The following SYNJ1 variants were observed in gnomAD, a reference collection of about 807,000 sequenced individuals.
SYNJ1 encodes the protein polyphosphatidylinositol phosphatase SYNJ1.
In SYNJ1, 78 loss-of-function variants were observed where a neutral mutation model predicts 168.2. The observed-to-expected ratio is 0.46, with a 90% CI of 0.39 to 0.56. The LOEUF (loss-of-function observed/expected upper bound fraction) is 0.56, where lower values mean the gene tolerates loss of function less well. Ranked by LOEUF, SYNJ1 falls within the 20% of genes least tolerant of loss-of-function variation. SYNJ1 has a pLI of 0.00. For synonymous variants in SYNJ1, 539 were observed against 548.6 expected (o/e 0.98, Z 0.24); for missense variants, 1,303 against 1,597.6 (o/e 0.82, Z 3.14).
chr21:32,670,935 A>G (rs2041161285), intron 14 of SYNJ1: 1 of 503,238 alleles, frequency 2.0e-6, no homozygotes, highest in Non-Finnish European at 2.6e-6. Context: ...GGACTAACGG[A>G]GAACAGAGCT....
At chr21:32,678,905 T>G (rs2041517736) in intron 11 of SYNJ1, 104 bp from the exon 12 acceptor site, 12 of 1,466,538 alleles carry the variant, frequency 8.2e-6, no homozygotes, top group Non-Finnish European at 1.1e-5. Flanking sequence ...ATGATTTTAG[T>G]ATAAAAAAGG....
At chr21:32,688,966 A>G (rs2041926819) in intron 6 of SYNJ1, among the ~76,000 whole-genome samples, 1 of 152,216 alleles carries the variant, frequency 6.6e-6, no homozygotes, top group Admixed American at 6.5e-5. Context: ...TTCCAAGTCA[A>G]CCTTGCCATC....
At chr21:32,651,888 C>T (rs533197339) in intron 22 of SYNJ1, among the ~76,000 whole-genome samples, 1 of 152,258 alleles carries the variant, frequency 6.6e-6, no homozygotes, top group South Asian at 2.1e-4. Flanking sequence ...TTTAAGATGT[C>T]CCTGACACAG....
In SYNJ1 at chr21:32,645,725, C is replaced by A; in HGVS notation, c.3312G>T (p.Glu1104Asp). ...LPQKDPAQPL[E>D]PKRPPPPRPV... ...GGCGGGGCGGCGGCGGCCGCTTGGG[C>A]TCCAAGGGCTGGGCGGGGTCTTTCT... is the stretch of plus-strand genomic sequence containing the variant. Residue 1104 changes from glutamate (E) to aspartate (D), a missense_variant, in exon 25 of 33, where the codon GAG becomes GAT. Coordinates refer to ENST00000674351, the MANE Select transcript of SYNJ1 (RefSeq NM_203446.3). 1 of 1,469,086 alleles carries A rather than the reference C, an allele frequency of 6.8e-7. No homozygotes were observed. The highest frequency in any genetic ancestry group is 9.0e-7 in the Non-Finnish European group (1 of 1,111,314). The allele number at this position is 1,469,086 out of a possible 1,614,324, so 91.0% of individuals were successfully genotyped here.
chr21:32,699,958 C>G lies in SYNJ1; in HGVS notation c.359G>C (p.Arg120Pro). Residue 120 changes from arginine (R) to proline (P), a missense_variant, in exon 4 of 33, where the codon CGG becomes CCG. Arg to Pro is a moderately radical substitution (Grantham distance 103). Coordinates refer to ENST00000674351, the MANE Select transcript of SYNJ1 (RefSeq NM_203446.3). ...SSDEDRISEV[R>P]KVLNSGNFYF... ...AAAGTTTCCTGAATTCAAAACTTTC[C>G]GCACTTCTGAAATGCGATCCTCATC... is the stretch of plus-strand genomic sequence containing the variant. 1 of 1,614,146 alleles carries G rather than the reference C, an allele frequency of 6.2e-7. No individual in the cohort carries two copies. The highest frequency in any genetic ancestry group is 8.5e-7 in the Non-Finnish European group (1 of 1,180,030).
chr21:32,688,229 A>G, intron 7 of SYNJ1, 77 bp downstream of exon 7: 1 of 1,400,896 alleles, frequency 7.1e-7, no homozygotes, highest in East Asian at 2.4e-5. Context: ...AAAAAGTTTG[A>G]AGTGAATCAG....
At chr21:32,689,490 T>G (rs1404497474) in intron 6 of SYNJ1, among the ~76,000 whole-genome samples, 2 of 152,040 alleles carry the variant, frequency 1.3e-5, no homozygotes, top group Non-Finnish European at 2.9e-5. Context: ...AGAGACAGGG[T>G]TTCGCCATGT....
At chr21:32,699,629 A>G (rs991098055) in intron 4 of SYNJ1, among the ~76,000 whole-genome samples, 1 of 151,914 alleles carries the variant, frequency 6.6e-6, no homozygotes, top group Non-Finnish European at 1.5e-5. Context: ...CTACTCTTAC[A>G]TTGCTCCCTC....
In SYNJ1 at chr21:32,631,591, T is replaced by A; in HGVS notation, c.*214A>T. ...TGACTCCGAGCTGGAATTGGAGGCA[T>A]TGTTGGCATGCAACTTACAGAACTC... On this transcript the variant is annotated 3_prime_UTR_variant, in exon 33 of 33. Transcript: ENST00000674351. 6.2e-7 allele frequency: 1 copy of A among 1,611,180 alleles called. No homozygotes were observed. Among genetic ancestry groups the A allele is most frequent in the Non-Finnish European group, 8.5e-7 (1 of 1,179,638 alleles).
chr21:32,657,109 C>G lies in SYNJ1; in HGVS notation c.2473G>C (p.Asp825His). ...WPFDRSAEDLDLLNASFQDES... is the reference protein window; with the variant it reads ...WPFDRSAEDLHLLNASFQDES... ...TCTTGAAAACTAGCATTTAGAAGATCTAGATCTTCAGCTGCAGTCAGAAGA... is the reference window on the plus strand; with the variant it reads ...TCTTGAAAACTAGCATTTAGAAGATGTAGATCTTCAGCTGCAGTCAGAAGA... The change falls in exon 20 of 33, where the codon GAT (aspartate) becomes CAT (histidine). Residue 825 changes from aspartate to histidine, a missense_variant. Asp to His is a moderately conservative substitution (Grantham distance 81). Transcript: ENST00000674351. 1 of 1,608,138 alleles carries G rather than the reference C, an allele frequency of 6.2e-7. No individual in the cohort carries two copies. The highest frequency in any genetic ancestry group is 8.5e-7 in the Non-Finnish European group (1 of 1,174,678).
chr21:32,632,821 A>C (rs1163265516), intron 32 of SYNJ1, among the ~76,000 whole-genome samples: 1 of 152,094 alleles, frequency 6.6e-6, no homozygotes, highest in Non-Finnish European at 1.5e-5. Flanking sequence ...GGAGTTCCAG[A>C]CCAGCCTGGC....
chr21:32,728,028 A>G (rs1255271636), upstream of SYNJ1: 36 of 1,534,974 alleles, frequency 2.3e-5, 1 homozygote, highest in South Asian at 2.6e-4. Flanking sequence ...CAGCAGGCCC[A>G]TCTCTTCCGC....
intron 9 of SYNJ1, among the ~76,000 whole-genome samples, chr21:32,685,460 A>ATGG (rs2041803941): frequency 6.9e-6 from 1 of 144,668 alleles, no homozygotes; most frequent in South Asian, 2.2e-4. Flanking sequence ...TAAGCCAGGC[A>ATGG]TGGTGGCACA....
chr21:32,645,056 C>T lies in SYNJ1; in HGVS notation c.3392-50G>A, dbSNP rs144767972. 562 of 1,558,130 alleles carry T rather than the reference C, an allele frequency of 3.6e-4. 2 individuals carry two copies. In the African/African-American group the frequency reaches 6.9e-3, roughly 19 times the overall value. ...AGCAGAAAGGAAATGACATTAAATA[C>T]AGAAGTGAAATGTCAAAGATTGCTA... On this transcript the variant is annotated intron_variant, in intron 25 of 32. Transcript: ENST00000674351.
intron 2 of SYNJ1, among the ~76,000 whole-genome samples, chr21:32,724,143 T>G (rs972141092): frequency 2.0e-5 from 3 of 152,004 alleles, no homozygotes; most frequent in East Asian, 1.9e-4. Flanking sequence ...GGTTGAGGAG[T>G]ACAAACTTAA....
chr21:32,727,636 A>G (rs1354462074), intron 1 of SYNJ1, among the ~76,000 whole-genome samples: 1 of 152,140 alleles, frequency 6.6e-6, no homozygotes, highest in African/African-American at 2.4e-5. Context: ...GAGAGACGGA[A>G]GAGCCGAGCA....
Position 32,664,964 on chromosome 21 carries a change from C to T in SYNJ1, c.2253G>A (p.Trp751Ter). 6.2e-7 allele frequency: 1 copy of T among 1,613,214 alleles called. No homozygotes were observed. Among genetic ancestry groups the T allele is most frequent in the Non-Finnish European group, 8.5e-7 (1 of 1,179,488 alleles). ...EVKELIRQQN[W>*]DSLIAGDQLI... ...GTTGATCTCCTGCTATAAGAGAATCCCAATTTTGCTGTCTTATGAGCTCTT... is the reference window on the plus strand; with the variant it reads ...GTTGATCTCCTGCTATAAGAGAATCTCAATTTTGCTGTCTTATGAGCTCTT... Residue 751 changes from tryptophan (W) to a stop codon, truncating the protein, a stop_gained, in exon 18 of 33, where the codon TGG (tryptophan) becomes TGA (stop). Coordinates refer to ENST00000674351, the MANE Select transcript of SYNJ1 (RefSeq NM_203446.3). LOFTEE classifies it high-confidence loss of function.
chr21:32,646,048 T>C, intron 24 of SYNJ1: 4 of 741,886 alleles, frequency 5.4e-6, no homozygotes, highest in Non-Finnish European at 9.7e-6. Flanking sequence ...GTGGCCCTAT[T>C]GATATGCACA....
chr21:32,631,533 G>T lies in SYNJ1; in HGVS notation c.*272C>A. On this transcript the variant is annotated 3_prime_UTR_variant, in exon 33 of 33. Coordinates refer to ENST00000674351, the MANE Select transcript of SYNJ1 (RefSeq NM_203446.3). ...TGTCCTGGTCAAGCCAGTAATAAAT[G>T]GGTTTGGAGAACTTCGCATATTTTC... is the stretch of plus-strand genomic sequence containing the variant. 6.2e-7 allele frequency: 1 copy of T among 1,614,100 alleles called. No individual in the cohort carries two copies. Among genetic ancestry groups the T allele is most frequent in the Non-Finnish European group, 8.5e-7 (1 of 1,179,986 alleles).
Sources: gnomAD v4.1 joint callset for allele counts (sites outside exome capture counted in the v4.1 genomes callset) on GRCh38, gnomAD v4.1.1 for gene constraint, MANE v1.5 for transcripts, NCBI Gene and HGNC (gene_info 2026-07-23, HGNC 2026-07-21) for gene names.